Variants in YBEY observed in about 807,000 individuals in gnomAD.
YBEY encodes the protein ybeY metalloendoribonuclease.
Under a neutral mutation model 13.5 loss-of-function variants are expected in YBEY, and 15 were observed. That is an observed-to-expected ratio of 1.11 (90% CI 0.75 to 1.72). YBEY has a LOEUF of 1.72. Ranked by LOEUF, YBEY falls within the 40% of genes most tolerant of loss-of-function variation. The pLI, the probability that YBEY is intolerant of heterozygous loss-of-function variation, is 0.00. For missense variants in YBEY, 244 were observed against 208.4 expected (o/e 1.17, Z -1.05); for synonymous variants, 101 against 83.1 (o/e 1.21, Z -1.17).
chr21:46,303,745 ATTTTTTTTTTT>A, the YBEY span, among the ~76,000 whole-genome samples: 35 of 23,810 alleles, frequency 1.5e-3, no homozygotes, highest in African/African-American at 5.0e-3. Context: ...ATATATATAT[ATTTTTTTTTTT>A]TTTTTTTTTT....
chr21:46,289,736 G>T (rs1400570443), intron 2 of YBEY, among the ~76,000 whole-genome samples: 1 of 152,110 alleles, frequency 6.6e-6, no homozygotes, highest in African/African-American at 2.4e-5. Context: ...TTACAGGCGT[G>T]AGCCACTGAG....
the YBEY span, among the ~76,000 whole-genome samples, chr21:46,309,385 C>A: frequency 6.6e-6 from 1 of 150,510 alleles, no homozygotes; most frequent in African/African-American, 2.4e-5. Context: ...TCGCTTGAAC[C>A]CGGTGGGCAG....
chr21:46,291,197 C>CAA (rs878872964), intron 2 of YBEY, 137 bp from the exon 3 acceptor site: 6,457 of 642,162 alleles, frequency 0.01, no homozygotes, highest in East Asian at 0.014. Context: ...AACTCCGTCT[C>CAA]AAAAAAAAAA....
chr21:46,294,287 C>T (rs2081859489), intron 3 of YBEY, among the ~76,000 whole-genome samples: 1 of 83,526 alleles, frequency 1.2e-5, no homozygotes, highest in African/African-American at 4.1e-5. Context: ...AAATTCCTCC[C>T]GCGGTTAGCC....
intron 3 of YBEY, among the ~76,000 whole-genome samples, chr21:46,295,389 C>T (rs1398481503): frequency 6.6e-6 from 1 of 152,054 alleles, no homozygotes; most frequent in Non-Finnish European, 1.5e-5. Flanking sequence ...CTCTTCCCTC[C>T]ACCCAAACCC....
At chr21:46,312,999 T>C in the YBEY span, 1 of 985,440 alleles carries the variant, frequency 1.0e-6, no homozygotes, top group Non-Finnish European at 1.2e-6. Context: ...TTTATCCTCT[T>C]CTAGCTGTGT....
In YBEY at chr21:46,287,045, C is replaced by G; in HGVS notation, c.132C>G (p.Asn44Lys). The change falls in exon 2 of 5, where the codon AAC (asparagine) becomes AAG (lysine). Residue 44 changes from asparagine to lysine, a missense_variant. Asn to Lys is a moderately conservative substitution (Grantham distance 94). Transcript: ENST00000397701. ...KFDLGIICVDNKNIQHINRIY... is the reference protein window; with the variant it reads ...KFDLGIICVDKKNIQHINRIY... ...ACCTGGGGATCATCTGTGTTGACAA[C>G]AAGAATATTCAGCACATTAATAGAA... The G allele has an allele frequency of 1.2e-6, 2 of 1,612,974 alleles. No homozygotes were observed. The highest frequency in any genetic ancestry group is 1.7e-6 in the Non-Finnish European group (2 of 1,179,834).
At position 46,288,470 on chromosome 21, in the gene YBEY, A is replaced by G. The variant is rs544193423; in HGVS notation, c.210+1347A>G. 3.9e-5 allele frequency among the ~76,000 whole-genome samples: 6 copies of G among 152,000 alleles called. No individual in the cohort carries two copies. In the South Asian group the frequency reaches 1.2e-3, roughly 32 times the overall value. On this transcript the variant is annotated intron_variant, in intron 2 of 4. Coordinates refer to ENST00000397701, the MANE Select transcript of YBEY (RefSeq NM_001314025.2). Reference sequence around the variant, plus strand: ...AGGTGGGTGGATCACGATGTCAGGAATTCAAGACCATCCTGGCCAACATGG... The same window carrying G: ...AGGTGGGTGGATCACGATGTCAGGAGTTCAAGACCATCCTGGCCAACATGG...
chr21:46,312,236 C>T, the YBEY span, among the ~76,000 whole-genome samples: 1 of 152,094 alleles, frequency 6.6e-6, no homozygotes, highest in South Asian at 2.1e-4. Flanking sequence ...TAATGTTTCC[C>T]ACATTTCCTG....
At chr21:46,296,377 G>C in intron 4 of YBEY, 147 bp downstream of exon 4, 1 of 851,130 alleles carries the variant, frequency 1.2e-6, no homozygotes, top group Non-Finnish European at 1.8e-6. Flanking sequence ...ACAGATGTTT[G>C]CTTTCAACAC....
At chr21:46,308,935 A>G in the YBEY span, among the ~76,000 whole-genome samples, 1 of 152,170 alleles carries the variant, frequency 6.6e-6, no homozygotes, top group Non-Finnish European at 1.5e-5. Context: ...AGAGTCCCCA[A>G]CAGCAAGAAG....
At chr21:46,297,036 C>G (rs1002964050) in intron 4 of YBEY, among the ~76,000 whole-genome samples, 1 of 152,032 alleles carries the variant, frequency 6.6e-6, no homozygotes, top group Non-Finnish European at 1.5e-5. Flanking sequence ...CAGTGGCTCA[C>G]GCCTGTAATC....
intron 3 of YBEY, chr21:46,291,892 G>C (rs1294274277): frequency 7.3e-6 from 7 of 959,760 alleles, no homozygotes; most frequent in Non-Finnish European, 7.5e-6. Context: ...CACTGCAATT[G>C]TGGTATTGCA....
At chr21:46,311,864 C>T in the YBEY span, among the ~76,000 whole-genome samples, 5 of 151,524 alleles carry the variant, frequency 3.3e-5, no homozygotes, top group East Asian at 9.7e-4. Context: ...TCCACCTACC[C>T]ATCCATCCAA....
At chr21:46,307,795 C>T in the YBEY span, among the ~76,000 whole-genome samples, 2 of 152,102 alleles carry the variant, frequency 1.3e-5, no homozygotes, top group Non-Finnish European at 2.9e-5. Flanking sequence ...ACACGTCTGC[C>T]CCTAGACTAC....
At chr21:46,303,746 T>TATATATATATATATATATA in the YBEY span, among the ~76,000 whole-genome samples, 3 of 12,078 alleles carry the variant, frequency 2.5e-4, no homozygotes, top group Admixed American at 1.6e-3. Flanking sequence ...TATATATATA[T>TATATATATATATATATATA]TTTTTTTTTT....
intron 2 of YBEY, among the ~76,000 whole-genome samples, chr21:46,290,131 G>A (rs553785027): frequency 2.6e-5 from 4 of 152,322 alleles, no homozygotes; most frequent in Admixed American, 1.3e-4. Context: ...TCTCTTCATA[G>A]CTTTCCCCAG....
rs1015521021 is a variant in YBEY, at chr21:46,291,182, A to C, written c.211-152A>C. 42 of 1,175,154 alleles carry C rather than the reference A, an allele frequency of 3.6e-5. No homozygotes were observed. In the African/African-American group the frequency reaches 6.8e-4, roughly 19 times the overall value. The allele number at this position is 1,175,154 out of a possible 1,614,324, so 72.8% of individuals were successfully genotyped here. ...ATTCCACTGCAGCCTGGGCAACAAG[A>C]GTGAAACTCCGTCTCAAAAAAAAAA... On this transcript the variant is annotated intron_variant, in intron 2 of 4. Transcript: ENST00000397701.
chr21:46,287,254 G>C (rs958608174), intron 2 of YBEY, 131 bp downstream of exon 2: 2 of 888,432 alleles, frequency 2.3e-6, no homozygotes, highest in Non-Finnish European at 3.3e-6. Flanking sequence ...GGAGTGCAGT[G>C]GTGCGATCTC....
Sources: gnomAD v4.1 joint callset for allele counts (sites outside exome capture counted in the v4.1 genomes callset) on GRCh38, gnomAD v4.1.1 for gene constraint, MANE v1.5 for transcripts, NCBI Gene and HGNC (gene_info 2026-07-23, HGNC 2026-07-21) for gene names.